The following TMEM38A variants were observed in gnomAD, a reference collection of about 807,000 sequenced individuals.
TMEM38A encodes trimeric intracellular cation channel type A.
In TMEM38A, 17 loss-of-function variants were observed where a neutral mutation model predicts 28.6. The ratio of observed to expected loss-of-function variants is 0.60; its 90% CI spans 0.41 to 0.89. TMEM38A has a LOEUF of 0.89. Ranked by LOEUF, TMEM38A falls within the 40% of genes least tolerant of loss-of-function variation. TMEM38A has a pLI of 0.00. For missense variants in TMEM38A, 328 were observed against 393.1 expected, an observed-to-expected ratio of 0.83 and a Z score of 1.40; for synonymous variants, 169 against 166.1, an observed-to-expected ratio of 1.02 and a Z score of -0.14.
chr19:16,688,227 C>G lies in TMEM38A; in HGVS notation c.756C>G (p.Ala252=), dbSNP rs1187929420. The change falls in exon 6 of 6, where the codon GCC becomes GCG. Residue 252 remains alanine (A), a synonymous_variant. Transcript: ENST00000187762. ...GYICPVLFGS[A]CGGDHHHDNH... ...TCTGCCCCGTGCTGTTTGGTTCGGC[C>G]TGCGGGGGTGACCATCACCACGACA... is the stretch of plus-strand genomic sequence containing the variant. 9.4e-6 allele frequency: 15 copies of G among 1,592,088 alleles called. No individual in the cohort carries two copies. The highest frequency in any genetic ancestry group is 1.3e-5 in the Non-Finnish European group (15 of 1,168,618).
intron 1 of TMEM38A, among the ~76,000 whole-genome samples, chr19:16,662,668 A>T (rs1258529005): frequency 1.3e-5 from 2 of 151,734 alleles, no homozygotes; most frequent in African/African-American, 4.8e-5. Context: ...TGGCCAGGAT[A>T]GTCTCGATCT....
Position 16,689,914 on chromosome 19 carries a change from C to G in TMEM38A, c.*1543C>G. On this transcript the variant is annotated 3_prime_UTR_variant, in exon 6 of 6. Transcript: ENST00000187762. The stretch of plus-strand genomic sequence containing the variant: ...CGTTGCCAGGCTGTTGGAAAATTGC[C>G]TTGTTCCTGTGATGCCTGGGAGTTA... 1 of 152,238 alleles carries G rather than the reference C, an allele frequency of 6.6e-6. No individual in the cohort carries two copies. Among genetic ancestry groups the G allele is most frequent in the Non-Finnish European group, 1.5e-5 (1 of 68,134 alleles). 9.4% of individuals were successfully genotyped at this position (152,238 alleles called of 1,614,324 possible).
intron 1 of TMEM38A, among the ~76,000 whole-genome samples, chr19:16,676,755 CTT>C (rs960732087): frequency 3.1e-4 from 37 of 119,264 alleles, no homozygotes; most frequent in African/African-American, 1.0e-3. Flanking sequence ...TTTTCATGAC[CTT>C]TTTTTTTTTT....
intron 1 of TMEM38A, among the ~76,000 whole-genome samples, chr19:16,668,751 A>G (rs962141336): frequency 6.6e-6 from 1 of 152,092 alleles, no homozygotes; most frequent in African/African-American, 2.4e-5. Flanking sequence ...TCACTTAGGA[A>G]TATGCATTTA....
chr19:16,677,501 A>G (rs1021620548), intron 1 of TMEM38A, among the ~76,000 whole-genome samples: 3 of 150,122 alleles, frequency 2.0e-5, no homozygotes, highest in African/African-American at 7.6e-5. Flanking sequence ...TGCCCAGCTA[A>G]TTAGAAAAAA....
At chr19:16,670,132 G>C (rs943439863) in intron 1 of TMEM38A, among the ~76,000 whole-genome samples, 4 of 151,552 alleles carry the variant, frequency 2.6e-5, no homozygotes, top group African/African-American at 9.7e-5. Flanking sequence ...ACCACGCCCA[G>C]CTGATTTTTG....
intron 1 of TMEM38A, among the ~76,000 whole-genome samples, chr19:16,673,728 G>A (rs1300319076): frequency 6.6e-6 from 1 of 152,124 alleles, no homozygotes; most frequent in Non-Finnish European, 1.5e-5. Context: ...CTTTTACAGA[G>A]TAGAGTGCAC....
At chr19:16,682,636 G>T in intron 4 of TMEM38A, 128 bp downstream of exon 4, 1 of 786,734 alleles carries the variant, frequency 1.3e-6, no homozygotes, top group Non-Finnish European at 2.1e-6. Flanking sequence ...GCTTTCAGAG[G>T]CTATGACTGG....
At position 16,675,789 on chromosome 19, in the gene TMEM38A, T is replaced by C. The variant is rs540503626; in HGVS notation, c.125-4195T>C. On this transcript the variant is annotated intron_variant, in intron 1 of 5. Transcript: ENST00000187762. ...GTCTCGAACTCCTGACCTTGTCATC[T>C]GCCCGCCTCAGCCTCCCAAAGTGCT... 1.4e-3 allele frequency among the ~76,000 whole-genome samples: 207 copies of C among 150,882 alleles called. 1 individual carries two copies. Among genetic ancestry groups the C allele is most frequent in the African/African-American group, 4.8e-3 (197 of 41,132 alleles).
Position 16,665,729 on chromosome 19 carries a change from G to A in TMEM38A, c.124+4388G>A, listed in dbSNP as rs60803652. ...TTGTGAGGGGTGGTGATGTTTATTTGGAAGTCTAGGGAGGAATATATTACT... is the reference window on the plus strand; with the variant it reads ...TTGTGAGGGGTGGTGATGTTTATTTAGAAGTCTAGGGAGGAATATATTACT... On this transcript the variant is annotated intron_variant, in intron 1 of 5. Transcript: ENST00000187762. Among the ~76,000 whole-genome samples the A allele has an allele frequency of 6.8e-3, 1,034 of 152,194 alleles. 12 individuals carry two copies. The highest frequency in any genetic ancestry group is 0.024 in the African/African-American group (992 of 41,534).
At chr19:16,668,687 GAATGTCCT>G (rs1875570242) in intron 1 of TMEM38A, among the ~76,000 whole-genome samples, 1 of 151,722 alleles carries the variant, frequency 6.6e-6, no homozygotes, top group African/African-American at 2.4e-5. Context: ...GCCTTTTCCA[GAATGTCCT>G]TTAGTTGGAA....
intron 1 of TMEM38A, among the ~76,000 whole-genome samples, chr19:16,668,108 T>C (rs927299371): frequency 6.6e-6 from 1 of 151,616 alleles, no homozygotes. Flanking sequence ...ACTTGGTAGG[T>C]CGAGGTGGGA....
chr19:16,680,169 A>T, intron 2 of TMEM38A, 29 bp downstream of exon 2: 1 of 1,598,288 alleles, frequency 6.3e-7, no homozygotes. Context: ...GGGAGAGCAG[A>T]GCCGGGTGGG....
At chr19:16,679,538 C>G (rs2086770461) in intron 1 of TMEM38A, among the ~76,000 whole-genome samples, 1 of 148,768 alleles carries the variant, frequency 6.7e-6, no homozygotes, top group South Asian at 2.1e-4. Flanking sequence ...AGTGATTTGT[C>G]CACCTTGGAC....
At chr19:16,677,318 A>T (rs185697183) in intron 1 of TMEM38A, among the ~76,000 whole-genome samples, 4 of 152,210 alleles carry the variant, frequency 2.6e-5, no homozygotes, top group Admixed American at 1.3e-4. Context: ...CACTATCATT[A>T]ACTCAACTAC....
chr19:16,665,837 C>A (rs2086700695), intron 1 of TMEM38A, among the ~76,000 whole-genome samples: 2 of 143,580 alleles, frequency 1.4e-5, no homozygotes, highest in African/African-American at 5.2e-5. Flanking sequence ...GAGATGCAGT[C>A]TTGTTTTGCT....
chr19:16,663,654 A>G (rs1484089443), intron 1 of TMEM38A, among the ~76,000 whole-genome samples: 1 of 149,982 alleles, frequency 6.7e-6, no homozygotes, highest in Non-Finnish European at 1.5e-5. Flanking sequence ...TCAGCCTCCC[A>G]AGTAGCTGGG....
chr19:16,680,681 CAG>C (rs2086778452), intron 3 of TMEM38A, 100 bp downstream of exon 3: 12 of 1,259,780 alleles, frequency 9.5e-6, no homozygotes, highest in Non-Finnish European at 1.2e-5. Flanking sequence ...GCTCCAGGCA[CAG>C]GGGCATAAAG....
chr19:16,663,186 C>T (rs545648815), intron 1 of TMEM38A, among the ~76,000 whole-genome samples: 1 of 151,580 alleles, frequency 6.6e-6, no homozygotes, highest in South Asian at 2.1e-4. Flanking sequence ...GAGGCTGAGG[C>T]AGGAGAATCA....
Sources: allele counts gnomAD v4.1 joint callset (sites outside exome capture counted in the v4.1 genomes callset), GRCh38; gene constraint gnomAD v4.1.1; transcripts MANE v1.5; gene names NCBI Gene and HGNC (gene_info 2026-07-23, HGNC 2026-07-21).